The following ARHGAP24 variants were observed in gnomAD, a reference collection of about 807,000 sequenced individuals.
ARHGAP24 encodes the protein rho GTPase-activating protein 24.
Under a neutral mutation model 76.4 loss-of-function variants are expected in ARHGAP24, and 50 were observed. That is an observed-to-expected ratio of 0.65 (90% confidence interval 0.52 to 0.83). The LOEUF is 0.83. Ranked by LOEUF, ARHGAP24 falls within the 40% of genes least tolerant of loss-of-function variation. The pLI is 0.00. For missense variants in ARHGAP24, 930 were observed against 914.2 expected, an observed-to-expected ratio of 1.02 and a Z score of -0.22; for synonymous variants, 345 against 323.3, an observed-to-expected ratio of 1.07 and a Z score of -0.72.
At chr4:85,649,072 A>T (rs1357340759) in intron 2 of ARHGAP24, among the ~76,000 whole-genome samples, 1 of 151,546 alleles carries the variant, frequency 6.6e-6, no homozygotes, top group Non-Finnish European at 1.5e-5. Context: ...TTCTGAGAGC[A>T]AAATGCTACA....
chr4:85,520,610 C>T (rs1724703452), intron 1 of ARHGAP24, among the ~76,000 whole-genome samples: 1 of 152,112 alleles, frequency 6.6e-6, no homozygotes, highest in African/African-American at 2.4e-5. Context: ...CCTACTTATG[C>T]TACAATAAGC....
intron 2 of ARHGAP24, among the ~76,000 whole-genome samples, chr4:85,693,408 G>A (rs756072339): frequency 6.6e-6 from 1 of 152,168 alleles, no homozygotes; most frequent in Non-Finnish European, 1.5e-5. Context: ...TCGCCTGCCA[G>A]CCCACAGACC....
intron 2 of ARHGAP24, among the ~76,000 whole-genome samples, chr4:85,712,658 A>G (rs1724572100): frequency 6.6e-6 from 1 of 151,988 alleles, no homozygotes; most frequent in Non-Finnish European, 1.5e-5. Flanking sequence ...CTCTGCCTCC[A>G]CGTTCATGTA....
intron 2 of ARHGAP24, among the ~76,000 whole-genome samples, chr4:85,714,680 A>G (rs564419473): frequency 6.6e-6 from 1 of 152,198 alleles, no homozygotes; most frequent in South Asian, 2.1e-4. Context: ...AATTTATAAC[A>G]ATGCTTAGGT....
intron 3 of ARHGAP24, among the ~76,000 whole-genome samples, chr4:85,921,538 A>AT (rs1735720372): frequency 1.1e-5 from 1 of 95,090 alleles, no homozygotes; most frequent in Non-Finnish European, 2.2e-5. Context: ...TTAAAATAAA[A>AT]GTTTTTTTAA....
At chr4:85,838,371 G>A (rs886939422) in intron 3 of ARHGAP24, among the ~76,000 whole-genome samples, 8 of 152,204 alleles carry the variant, frequency 5.3e-5, no homozygotes. Context: ...GCTGAGGTGG[G>A]CAGATCACGA....
intron 2 of ARHGAP24, among the ~76,000 whole-genome samples, chr4:85,649,127 G>T (rs369989124): frequency 6.6e-6 from 1 of 151,904 alleles, no homozygotes; most frequent in Admixed American, 6.6e-5. Context: ...TCTTGGAAAG[G>T]CCTTTCTGTG....
chr4:85,853,846 C>T (rs1731386742), intron 3 of ARHGAP24, among the ~76,000 whole-genome samples: 1 of 152,068 alleles, frequency 6.6e-6, no homozygotes, highest in Non-Finnish European at 1.5e-5. Flanking sequence ...GCCAGCTACT[C>T]AGGAGGCTGA....
intron 3 of ARHGAP24, among the ~76,000 whole-genome samples, chr4:85,810,288 G>A (rs890247739): frequency 3.9e-5 from 6 of 152,154 alleles, no homozygotes; most frequent in Non-Finnish European, 8.8e-5. Flanking sequence ...CTTCACATGT[G>A]AAATAACAGG....
intron 1 of ARHGAP24, among the ~76,000 whole-genome samples, chr4:85,566,027 C>G (rs1004363990): frequency 6.6e-6 from 1 of 152,180 alleles, no homozygotes; most frequent in African/African-American, 2.4e-5. Flanking sequence ...GCTACAAGCC[C>G]ATCAAATGCT....
At chr4:85,749,633 G>A (rs1242510220) in intron 3 of ARHGAP24, among the ~76,000 whole-genome samples, 1 of 152,134 alleles carries the variant, frequency 6.6e-6, no homozygotes, top group Non-Finnish European at 1.5e-5. Context: ...GTGCAGTGGT[G>A]CAGTCTTGGC....
intron 1 of ARHGAP24, among the ~76,000 whole-genome samples, chr4:85,532,466 A>G (rs1395367434): frequency 6.6e-6 from 1 of 152,158 alleles, no homozygotes; most frequent in Non-Finnish European, 1.5e-5. Flanking sequence ...CTCTTTCTAT[A>G]TAATGCTCTT....
chr4:85,911,840 T>C (rs111852765), intron 3 of ARHGAP24, among the ~76,000 whole-genome samples: 1 of 152,192 alleles, frequency 6.6e-6, no homozygotes, highest in African/African-American at 2.4e-5. Context: ...ACTTACTTAA[T>C]ATTATCTAAA....
At chr4:85,797,339 A>T (rs1310540671) in intron 3 of ARHGAP24, among the ~76,000 whole-genome samples, 1 of 151,652 alleles carries the variant, frequency 6.6e-6, no homozygotes, top group Non-Finnish European at 1.5e-5. Context: ...CGCCCAGCTA[A>T]TTTTTTTGTA....
intron 2 of ARHGAP24, among the ~76,000 whole-genome samples, chr4:85,714,943 G>A (rs1287364436): frequency 2.0e-5 from 3 of 152,070 alleles, no homozygotes; most frequent in Admixed American, 2.0e-4. Context: ...AAAGCAGTTT[G>A]CATTTATTCC....
At chr4:85,869,570 A>G (rs763830359) in intron 3 of ARHGAP24, among the ~76,000 whole-genome samples, 8 of 152,244 alleles carry the variant, frequency 5.3e-5, no homozygotes, top group Non-Finnish European at 1.0e-4. Flanking sequence ...CAATTCACTG[A>G]AAGTTTCGCT....
intron 4 of ARHGAP24, among the ~76,000 whole-genome samples, chr4:85,941,561 T>G (rs1736946956): frequency 6.6e-6 from 1 of 152,228 alleles, no homozygotes; most frequent in South Asian, 2.1e-4. Flanking sequence ...TTTCTTTTCC[T>G]GGTTTTATCA....
At chr4:85,857,126 C>T (rs1360471532) in intron 3 of ARHGAP24, among the ~76,000 whole-genome samples, 1 of 152,100 alleles carries the variant, frequency 6.6e-6, no homozygotes, top group African/African-American at 2.4e-5. Flanking sequence ...ATTTATTAAG[C>T]ACTTGTGCCT....
At chr4:85,839,206 A>C (rs571463076) in intron 3 of ARHGAP24, among the ~76,000 whole-genome samples, 57 of 152,360 alleles carry the variant, frequency 3.7e-4, no homozygotes, top group Non-Finnish European at 6.9e-4. Context: ...CATTAAAAAG[A>C]GTAATTTGTA....
Sources: allele counts gnomAD v4.1 joint callset (sites outside exome capture counted in the v4.1 genomes callset), GRCh38; gene constraint gnomAD v4.1.1; transcripts MANE v1.5; gene names NCBI Gene and HGNC (gene_info 2026-07-23, HGNC 2026-07-21).